WWOX: variants seen among roughly 807,000 people sequenced by gnomAD.
The protein encoded by WWOX is WW domain containing oxidoreductase.
A neutral mutation model predicts 46.2 loss-of-function variants in WWOX; 69 were observed. That is an observed-to-expected ratio of 1.49 (90% CI 1.23 to 1.82). The LOEUF is 1.82. Ranked by LOEUF, WWOX falls within the 40% of genes most tolerant of loss-of-function variation. The pLI, the probability that WWOX is intolerant of heterozygous loss-of-function variation, is 0.00. For synonymous variants in WWOX, 359 were observed against 202.6 expected (o/e 1.77, Z -6.56); for missense variants, 919 against 542.6 (o/e 1.69, Z -6.89).
chr16:78,858,643 TC>T (rs2052626836), intron 8 of WWOX, among the ~76,000 whole-genome samples: 2 of 151,994 alleles, frequency 1.3e-5, no homozygotes, highest in Admixed American at 1.3e-4. Flanking sequence ...CTTTCTTTTT[TC>T]TTTACCTGTC....
intron 8 of WWOX, among the ~76,000 whole-genome samples, chr16:78,999,220 C>T (rs1050285152): frequency 3.3e-5 from 5 of 151,834 alleles, no homozygotes; most frequent in Non-Finnish European, 5.9e-5. Flanking sequence ...CCTGTAATCC[C>T]AGCACTTTGG....
At chr16:78,703,585 C>T (rs962023965) in intron 8 of WWOX, among the ~76,000 whole-genome samples, 15 of 152,050 alleles carry the variant, frequency 9.9e-5, no homozygotes, top group African/African-American at 3.6e-4. Context: ...CACCACTACA[C>T]TTCATCCTGG....
chr16:78,936,126 T>C (rs1360027752), intron 8 of WWOX, among the ~76,000 whole-genome samples: 1 of 152,092 alleles, frequency 6.6e-6, no homozygotes, highest in Admixed American at 6.6e-5. Flanking sequence ...TGATGAGTTT[T>C]GGTCTGGGAA....
intron 5 of WWOX, among the ~76,000 whole-genome samples, chr16:78,368,502 A>G (rs547328555): frequency 6.6e-6 from 1 of 152,208 alleles, no homozygotes. Context: ...CCACCCCATA[A>G]GGCTGCAAGC....
chr16:78,383,044 A>G (rs1018510284), intron 5 of WWOX, among the ~76,000 whole-genome samples: 5 of 150,398 alleles, frequency 3.3e-5, no homozygotes, highest in African/African-American at 9.8e-5. Context: ...GCTCTTGTAA[A>G]CAAGCAGATC....
At chr16:78,665,297 G>A (rs1206765373) in intron 8 of WWOX, among the ~76,000 whole-genome samples, 1 of 152,142 alleles carries the variant, frequency 6.6e-6, no homozygotes, top group Non-Finnish European at 1.5e-5. Context: ...AGAGTTTTCA[G>A]TTATGCATGA....
At chr16:78,300,483 T>TCCTC (rs1235525344) in intron 5 of WWOX, among the ~76,000 whole-genome samples, 2 of 151,746 alleles carry the variant, frequency 1.3e-5, no homozygotes, top group Non-Finnish European at 1.5e-5. Flanking sequence ...GCCATGCCTG[T>TCCTC]CCTCCCTCCC....
intron 8 of WWOX, among the ~76,000 whole-genome samples, chr16:78,751,915 A>G (rs1597547924): frequency 2.0e-5 from 3 of 152,290 alleles, no homozygotes; most frequent in African/African-American, 7.2e-5. Context: ...CCCAGATGAA[A>G]ATGAATAACC....
intron 8 of WWOX, among the ~76,000 whole-genome samples, chr16:79,124,294 T>C (rs1326160623): frequency 6.6e-6 from 1 of 152,094 alleles, no homozygotes; most frequent in Non-Finnish European, 1.5e-5. Context: ...CATCCGCGCT[T>C]GCATGGAAAT....
At chr16:79,018,325 C>G (rs970686241) in intron 8 of WWOX, among the ~76,000 whole-genome samples, 5 of 152,162 alleles carry the variant, frequency 3.3e-5, no homozygotes, top group South Asian at 4.1e-4. Context: ...TAAATACCTA[C>G]TCATGCTTTG....
intron 8 of WWOX, among the ~76,000 whole-genome samples, chr16:79,012,018 G>A (rs1339936620): frequency 2.0e-5 from 3 of 152,190 alleles, no homozygotes; most frequent in Middle Eastern, 3.4e-3. Context: ...CTTCTGAATA[G>A]TTCAGGGATC....
rs529128079 is a variant in WWOX at position 79,026,774 on chromosome 16, C to T, written c.1057-184834C>T. On this transcript the variant is annotated intron_variant, in intron 8 of 8. Transcript: ENST00000566780. ...CTGGGAGTACAGGCGACTGCCACCA[C>T]GCCCGGCTAATTTTTTTTTTTTTTT... 2.3e-3 allele frequency among the ~76,000 whole-genome samples: 298 copies of T among 131,682 alleles called. 9 individuals are homozygous for T. The highest frequency in any genetic ancestry group is 8.4e-3 in the African/African-American group (284 of 33,612). 86.4% of individuals were successfully genotyped at this position (131,682 alleles called of 152,430 possible). A position where few individuals can be genotyped will look rare whatever the true frequency, so the allele number is the denominator to read the frequency against.
intron 8 of WWOX, among the ~76,000 whole-genome samples, chr16:79,164,104 C>T (rs1458138709): frequency 1.3e-5 from 2 of 152,164 alleles, no homozygotes; most frequent in Admixed American, 6.5e-5. Flanking sequence ...TCCTCGGTGC[C>T]ACTTTATGGC....
intron 4 of WWOX, among the ~76,000 whole-genome samples, chr16:78,152,066 T>C (rs938792462): frequency 1.3e-5 from 2 of 151,998 alleles, no homozygotes; most frequent in South Asian, 2.1e-4. Context: ...GGCGGGCGCC[T>C]GTAGTCCCAG....
At chr16:78,664,992 G>T (rs1223103113) in intron 8 of WWOX, among the ~76,000 whole-genome samples, 1 of 152,202 alleles carries the variant, frequency 6.6e-6, no homozygotes, top group Non-Finnish European at 1.5e-5. Context: ...CTTAATGAAA[G>T]AACTGACGTT....
chr16:79,010,476 G>A (rs1597272030), intron 8 of WWOX, among the ~76,000 whole-genome samples: 1 of 152,180 alleles, frequency 6.6e-6, no homozygotes, highest in East Asian at 1.9e-4. Context: ...CACAGGTGAT[G>A]GCGGGACAGC....
At chr16:78,724,757 G>T (rs1452866230) in intron 8 of WWOX, among the ~76,000 whole-genome samples, 1 of 152,098 alleles carries the variant, frequency 6.6e-6, no homozygotes, top group Non-Finnish European at 1.5e-5. Flanking sequence ...AACCCTGAAG[G>T]AGACATTTTC....
At chr16:78,826,076 A>G in intron 8 of WWOX, 1 of 373,616 alleles carries the variant, frequency 2.7e-6, no homozygotes, top group South Asian at 7.5e-5. Flanking sequence ...AAAATATTGT[A>G]CAAAGACAAC....
intron 8 of WWOX, among the ~76,000 whole-genome samples, chr16:78,843,606 A>T (rs1193087868): frequency 6.6e-6 from 1 of 151,424 alleles, no homozygotes; most frequent in Admixed American, 6.6e-5. Context: ...AAATAAAAAT[A>T]AAAAAGCATA....
Sources: gnomAD v4.1 joint callset for allele counts (sites outside exome capture counted in the v4.1 genomes callset) on GRCh38, gnomAD v4.1.1 for gene constraint, MANE v1.5 for transcripts, NCBI Gene and HGNC (gene_info 2026-07-23, HGNC 2026-07-21) for gene names.